MROH1: variants seen among roughly 807,000 people sequenced by gnomAD.
The protein encoded by MROH1 is maestro heat like repeat family member 1, also known as maestro heat-like repeat-containing protein family member 1.
A neutral mutation model predicts 116.5 loss-of-function variants in MROH1; 117 were observed. That is an observed-to-expected ratio of 1.00 (90% CI 0.86 to 1.17). The LOEUF is 1.17. Ranked by LOEUF, MROH1 falls within the 50% of genes most tolerant of loss-of-function variation. The probability of loss-of-function intolerance (pLI) is 0.00; values close to 1 mark genes in which losing one functional copy is unlikely to be tolerated. For synonymous variants in MROH1, 921 were observed against 583.9 expected (o/e 1.58, Z -8.32); for missense variants, 1,873 against 1,338.5 (o/e 1.40, Z -6.23).
intron 14 of MROH1, among the ~76,000 whole-genome samples, chr8:144,227,246 G>A (rs1341510151): frequency 6.6e-6 from 1 of 152,090 alleles, no homozygotes; most frequent in African/African-American, 2.4e-5. Flanking sequence ...TTACTACATT[G>A]GTGAAGTCTC....
chr8:144,151,875 G>A (rs1052042438), intron 1 of MROH1, among the ~76,000 whole-genome samples: 5 of 152,218 alleles, frequency 3.3e-5, no homozygotes, highest in Admixed American at 1.3e-4. Flanking sequence ...GGACCTTTCC[G>A]CAGCACCGTG....
intron 32 of MROH1, among the ~76,000 whole-genome samples, 163 bp downstream of exon 32, chr8:144,249,192 CCT>C (rs1412534601): frequency 6.6e-6 from 1 of 152,142 alleles, no homozygotes; most frequent in Non-Finnish European, 1.5e-5. Flanking sequence ...GCCCAGCCCT[CCT>C]CGGGTGTGAC....
At chr8:144,242,719 G>C (rs1314851660) in intron 24 of MROH1, 91 bp downstream of exon 24, 1 of 723,632 alleles carries the variant, frequency 1.4e-6, no homozygotes, top group African/African-American at 1.7e-5. Context: ...AGGCCGGAGG[G>C]GGAGCTTGGA....
chr8:144,151,973 ATC>A (rs1208041716), intron 1 of MROH1, among the ~76,000 whole-genome samples: 2 of 152,100 alleles, frequency 1.3e-5, no homozygotes, highest in Non-Finnish European at 2.9e-5. Flanking sequence ...TCTGCCGGCG[ATC>A]TCTCTCTCTT....
chr8:144,181,753 G>A (rs1049769346), intron 7 of MROH1, among the ~76,000 whole-genome samples: 6 of 152,118 alleles, frequency 3.9e-5, no homozygotes, highest in Non-Finnish European at 8.8e-5. Context: ...TGCCTGGGGC[G>A]CAGGACGTGC....
rs1554835662 is a variant in MROH1, at chr8:144,261,230, C to G, written c.4774+14C>G. 28 of 763,012 alleles carry G rather than the reference C, an allele frequency of 3.7e-5. No homozygotes were observed. The highest frequency in any genetic ancestry group is 3.6e-4 in the South Asian group (27 of 74,502). The allele number at this position is 763,012 out of a possible 1,614,324, so 47.3% of individuals were successfully genotyped here. Reference sequence around the variant, plus strand: ...CCCTGTTCACCGGTAAGCACCACCCCCTGCCCCACCCCCACGCCGCCCGGC... The same window carrying G: ...CCCTGTTCACCGGTAAGCACCACCCGCTGCCCCACCCCCACGCCGCCCGGC... On this transcript the variant is annotated intron_variant, in intron 42 of 43. Coordinates refer to ENST00000326134, the MANE Select transcript of MROH1 (RefSeq NM_032450.3).
chr8:144,209,189 T>G (rs1833551252), intron 12 of MROH1, among the ~76,000 whole-genome samples: 1 of 151,980 alleles, frequency 6.6e-6, no homozygotes, highest in Admixed American at 6.6e-5. Context: ...ATATCACAGT[T>G]TCTCAGTTGT....
At chr8:144,160,204 C>T (rs996744328) in intron 1 of MROH1, among the ~76,000 whole-genome samples, 15 of 152,196 alleles carry the variant, frequency 9.9e-5, no homozygotes. Flanking sequence ...TTGATCTTGT[C>T]AGACCTTTCT....
intron 12 of MROH1, among the ~76,000 whole-genome samples, chr8:144,212,271 G>T (rs192043623): frequency 5.5e-4 from 83 of 152,148 alleles, no homozygotes; most frequent in African/African-American, 1.9e-3. Flanking sequence ...TTTTTGTAGA[G>T]ATGGGGTCTC....
rs1300723741 is a variant in MROH1, at chr8:144,240,974, T to G, written c.1936-18T>G. On this transcript the variant is annotated intron_variant, in intron 20 of 43. Coordinates refer to ENST00000326134, the MANE Select transcript of MROH1 (RefSeq NM_032450.3). ...ACTCAGGAGTCAGGCAGAGCCGTGTTCTCTGGTTTTGTTTCAGAACTTCCT... is the reference window on the plus strand; with the variant it reads ...ACTCAGGAGTCAGGCAGAGCCGTGTGCTCTGGTTTTGTTTCAGAACTTCCT... The G allele has an allele frequency of 2.7e-6, 2 of 738,764 alleles. No individual in the cohort carries two copies. The highest frequency in any genetic ancestry group is 5.0e-6 in the Non-Finnish European group (2 of 397,788). 45.8% of individuals were successfully genotyped at this position (738,764 alleles called of 1,614,324 possible). A position where few individuals can be genotyped will look rare whatever the true frequency, so the allele number is the denominator to read the frequency against.
intron 4 of MROH1, 90 bp from the exon 5 acceptor site, chr8:144,179,365 C>G: frequency 1.9e-6 from 3 of 1,538,762 alleles, no homozygotes; most frequent in Non-Finnish European, 2.6e-6. Flanking sequence ...GAGATTTGTG[C>G]GGTTTCATCT....
rs1840956691 is a variant in MROH1 at position 144,241,387 on chromosome 8, C to T, written c.2056-8C>T. The T allele has an allele frequency of 2.6e-6, 2 of 771,362 alleles. No individual in the cohort carries two copies. The allele number at this position is 771,362 out of a possible 1,614,324, so 47.8% of individuals were successfully genotyped here. On this transcript the variant is annotated splice_polypyrimidine_tract_variant and splice_region_variant and intron_variant, in intron 21 of 43. Coordinates refer to ENST00000326134, the MANE Select transcript of MROH1 (RefSeq NM_032450.3). The stretch of plus-strand genomic sequence containing the variant: ...TTCCCTGCCCGGGGTAAGTGTGCTG[C>T]CCCCCAGGGCCTCGCCTGCTGCTTC...
intron 4 of MROH1, chr8:144,174,969 C>T (rs1332332430): frequency 9.1e-6 from 9 of 985,312 alleles, no homozygotes; most frequent in African/African-American, 8.7e-5. Context: ...AACTCAGTCC[C>T]AGGACTCACT....
Position 144,240,168 on chromosome 8 carries a change from A to G in MROH1, c.1827+15A>G. ...AGCTGTTGATGGTGAGGGCCGGGGT[A>G]CGGCCCATCCTGGGCCTTAAGGTGT... is the stretch of plus-strand genomic sequence containing the variant. On this transcript the variant is annotated intron_variant, in intron 19 of 43. Coordinates refer to ENST00000326134, the MANE Select transcript of MROH1 (RefSeq NM_032450.3). 1 of 772,176 alleles carries G rather than the reference A, an allele frequency of 1.3e-6. No individual in the cohort carries two copies. Among genetic ancestry groups the G allele is most frequent in the Non-Finnish European group, 2.4e-6 (1 of 414,312 alleles). The allele number at this position is 772,176 out of a possible 1,614,324, so 47.8% of individuals were successfully genotyped here. A position where few individuals can be genotyped will look rare whatever the true frequency, so the allele number is the denominator to read the frequency against.
chr8:144,164,169 C>T (rs1161910510), intron 3 of MROH1, among the ~76,000 whole-genome samples: 2 of 150,626 alleles, frequency 1.3e-5, no homozygotes, highest in Non-Finnish European at 3.0e-5. Flanking sequence ...CTTTGGGAGG[C>T]CAAGGCAGGC....
intron 13 of MROH1, among the ~76,000 whole-genome samples, chr8:144,221,959 G>A (rs1353159556): frequency 1.3e-5 from 2 of 152,200 alleles, no homozygotes; most frequent in Admixed American, 1.3e-4. Flanking sequence ...AGGGCTGGTT[G>A]CGCCACATTG....
intron 12 of MROH1, among the ~76,000 whole-genome samples, chr8:144,208,604 G>T (rs1429063650): frequency 6.6e-6 from 1 of 152,058 alleles, no homozygotes; most frequent in African/African-American, 2.4e-5. Context: ...ACATTCCGAG[G>T]TACAGGGGTT....
chr8:144,206,425 CTT>C (rs1054589954), intron 12 of MROH1, among the ~76,000 whole-genome samples: 9 of 137,540 alleles, frequency 6.5e-5, no homozygotes, highest in African/African-American at 5.3e-5. Context: ...TGTTCATGTT[CTT>C]TTTTTTTTTT....
At chr8:144,218,110 C>T (rs538425397) in intron 12 of MROH1, among the ~76,000 whole-genome samples, 1 of 152,274 alleles carries the variant, frequency 6.6e-6, no homozygotes. Flanking sequence ...TGCCCCATGG[C>T]TTGGAAGCCA....
Sources: allele counts gnomAD v4.1 joint callset (sites outside exome capture counted in the v4.1 genomes callset), GRCh38; gene constraint gnomAD v4.1.1; transcripts MANE v1.5; gene names NCBI Gene and HGNC (gene_info 2026-07-23, HGNC 2026-07-21).